The following SESN1 variants were observed in gnomAD, a reference collection of about 807,000 sequenced individuals.
The protein encoded by SESN1 is sestrin-1.
Under a neutral mutation model 59.3 loss-of-function variants are expected in SESN1, and 30 were observed. The observed-to-expected ratio is 0.51, with a 90% CI of 0.38 to 0.69. SESN1 has a LOEUF of 0.69. Ranked by LOEUF, SESN1 falls within the 30% of genes least tolerant of loss-of-function variation. The pLI, the probability that SESN1 is intolerant of heterozygous loss-of-function variation, is 0.00. For missense variants in SESN1, 566 were observed against 673.0 expected (o/e 0.84, Z 1.76); for synonymous variants, 197 against 219.9 (o/e 0.90, Z 0.92).
rs1222759680 is a variant in SESN1, at chr6:109,000,609, CCAA to C, written c.608_610del (p.Val203del). The stretch of plus-strand genomic sequence containing the variant: ...ACCATTGAGCCACTTGGGGTCCCCA[CCAA>C]CATGAAGGAAATCATTTACATGCAG... On this transcript the variant is annotated inframe_deletion, in exon 4 of 10. Transcript: ENST00000436639. 6.2e-7 allele frequency: 1 copy of C among 1,612,046 alleles called. No individual in the cohort carries two copies. The highest frequency in any genetic ancestry group is 1.1e-5 in the South Asian group (1 of 90,632).
In SESN1 at chr6:108,986,033, A is replaced by C. The variant is rs533917114; in HGVS notation, c.*1511T>G. Among the ~76,000 whole-genome samples, 369 of 152,280 alleles carry C rather than the reference A, an allele frequency of 2.4e-3. 1 individual carries two copies. The highest frequency in any genetic ancestry group is 8.5e-3 in the African/African-American group (352 of 41,552). On this transcript the variant is annotated 3_prime_UTR_variant, in exon 10 of 10. Coordinates refer to ENST00000436639, the MANE Select transcript of SESN1 (RefSeq NM_014454.3). ...CTACCCCATACATTTGTAGGCAGGC[A>C]CTAGATTGAGCTCAATAAATGTTTT...
intron 5 of SESN1, 89 bp from the exon 6 acceptor site, chr6:108,994,698 C>CAT: frequency 2.4e-5 from 7 of 292,740 alleles, no homozygotes; most frequent in Non-Finnish European, 3.9e-5. Flanking sequence ...GAATTTATAT[C>CAT]TTTTTTTTTT....
intron 1 of SESN1, among the ~76,000 whole-genome samples, chr6:109,011,793 T>C (rs553215861): frequency 1.3e-5 from 2 of 152,056 alleles, no homozygotes; most frequent in Non-Finnish European, 2.9e-5. Context: ...CACACCCGGC[T>C]ACTTTTTAAA....
In SESN1 at chr6:109,011,071, A is replaced by C. The variant is rs1242228307; in HGVS notation, c.280-8728T>G. On this transcript the variant is annotated intron_variant, in intron 1 of 9. Coordinates refer to ENST00000436639, the MANE Select transcript of SESN1 (RefSeq NM_014454.3). The stretch of plus-strand genomic sequence containing the variant: ...GTATGATTTTATTTCTGAAGGAATC[A>C]CAGTTTTAGTTGTCTAGTAGGGCAT... Among the ~76,000 whole-genome samples, 9 of 150,640 alleles carry C rather than the reference A, an allele frequency of 6.0e-5. No homozygotes were observed. In the South Asian group the frequency reaches 1.9e-3, roughly 31 times the overall value.
intron 1 of SESN1, among the ~76,000 whole-genome samples, chr6:109,010,034 T>C (rs955198753): frequency 6.6e-6 from 1 of 152,168 alleles, no homozygotes; most frequent in Non-Finnish European, 1.5e-5. Context: ...ATGCAGGACT[T>C]TGGCCTATAA....
intron 1 of SESN1, among the ~76,000 whole-genome samples, chr6:109,070,277 T>C (rs1478976581): frequency 1.3e-5 from 2 of 152,236 alleles, no homozygotes; most frequent in Non-Finnish European, 2.9e-5. Flanking sequence ...CTAGGGCATG[T>C]GCCCACCCAG....
chr6:108,988,447 G>C (rs968670702), intron 9 of SESN1, 96 bp downstream of exon 9: 2 of 1,081,400 alleles, frequency 1.8e-6, no homozygotes, highest in Non-Finnish European at 2.6e-6. Context: ...GGGTTGGTAG[G>C]GGTGATGGAA....
intron 1 of SESN1, among the ~76,000 whole-genome samples, chr6:109,073,011 TTTTG>T (rs146487988): frequency 0.079 from 12,035 of 152,232 alleles, 631 homozygotes; most frequent in Middle Eastern, 0.2. Context: ...TAAAGTGTTT[TTTTG>T]TTTGTTTTTT....
chr6:109,084,209 G>A (rs1562477131), intron 1 of SESN1, among the ~76,000 whole-genome samples: 1 of 152,050 alleles, frequency 6.6e-6, no homozygotes, highest in African/African-American at 2.4e-5. Context: ...GTTTATTTGG[G>A]TAATATAAAC....
At chr6:108,987,673 A>G (rs777460601) in intron 9 of SESN1, 43 bp from the exon 10 acceptor site, 1 of 1,069,498 alleles carries the variant, frequency 9.4e-7, no homozygotes, top group Non-Finnish European at 1.4e-6. Flanking sequence ...GGTTACAAGC[A>G]TTCACAATCA....
At chr6:108,995,289 G>C (rs1199099189) in intron 5 of SESN1, among the ~76,000 whole-genome samples, 1 of 152,200 alleles carries the variant, frequency 6.6e-6, no homozygotes, top group African/African-American at 2.4e-5. Flanking sequence ...CAAAGTATAA[G>C]TGATTTTGCA....
At chr6:109,071,052 G>A (rs1780925727) in intron 1 of SESN1, among the ~76,000 whole-genome samples, 1 of 152,218 alleles carries the variant, frequency 6.6e-6, no homozygotes, top group Non-Finnish European at 1.5e-5. Flanking sequence ...AGATGGGAGA[G>A]AGGGTGGGTA....
chr6:109,070,643 C>T (rs1270846377), intron 1 of SESN1, among the ~76,000 whole-genome samples: 1 of 152,210 alleles, frequency 6.6e-6, no homozygotes, highest in East Asian at 1.9e-4. Context: ...AAGACAACTA[C>T]TGTTTCTAAT....
In SESN1 at chr6:109,002,276, A is replaced by G; in HGVS notation, c.345+2T>C. On this transcript the variant is annotated splice_donor_variant, in intron 2 of 9. Coordinates refer to ENST00000436639, the MANE Select transcript of SESN1 (RefSeq NM_014454.3). LOFTEE classifies it high-confidence loss of function. ...CACTATGTACTTTCACAAACAACGT[A>G]CCTCCTTTTCTGGGATGAATCTGCT... is the stretch of plus-strand genomic sequence containing the variant. The G allele has an allele frequency of 6.2e-7, 1 of 1,612,700 alleles. No homozygotes were observed. The highest frequency in any genetic ancestry group is 1.3e-5 in the African/African-American group (1 of 74,972).
At chr6:109,077,311 A>C (rs1781047760) in intron 1 of SESN1, among the ~76,000 whole-genome samples, 1 of 152,196 alleles carries the variant, frequency 6.6e-6, no homozygotes, top group South Asian at 2.1e-4. Flanking sequence ...CTAGGAAAAT[A>C]GACTAGTGAT....
Position 108,984,848 on chromosome 6 carries a change from T to C in SESN1, c.*2696A>G, listed in dbSNP as rs113785928. On this transcript the variant is annotated 3_prime_UTR_variant, in exon 10 of 10. Transcript: ENST00000436639. ...GGTGAGCAAAATCCACAAACTTTCC[T>C]AGCCTTTTGGTGCGGCCTTTTCCTG... Among the ~76,000 whole-genome samples, 506 of 152,308 alleles carry C rather than the reference T, an allele frequency of 3.3e-3. No homozygotes were observed. Among genetic ancestry groups the C allele is most frequent in the African/African-American group, 9.8e-3 (408 of 41,572 alleles).
chr6:109,001,195 T>A (rs951967756), intron 3 of SESN1, 93 bp downstream of exon 3: 1 of 1,026,690 alleles, frequency 9.7e-7, no homozygotes, highest in South Asian at 1.6e-5. Flanking sequence ...TATCATAATC[T>A]AAGTATTTAT....
In SESN1 at chr6:109,093,850, C is replaced by G; in HGVS notation, c.224G>C (p.Arg75Thr). 1 of 1,614,202 alleles carries G rather than the reference C, an allele frequency of 6.2e-7. No individual in the cohort carries two copies. The highest frequency in any genetic ancestry group is 8.5e-7 in the Non-Finnish European group (1 of 1,180,042). The change falls in exon 1 of 10, where the codon AGG becomes ACG. Residue 75 changes from arginine (R) to threonine (T), a missense_variant. Arg to Thr is a moderately conservative substitution (Grantham distance 71). Coordinates refer to ENST00000436639, the MANE Select transcript of SESN1 (RefSeq NM_014454.3). Reference protein sequence around the residue: ...LLAHLLMLSKRCPFKDVREKS... With the variant: ...LLAHLLMLSKTCPFKDVREKS... ...CTCTCTCACATCTTTGAAGGGACACCTCTTAGAAAGCATAAGCAGATGAGC... is the reference window on the plus strand; with the variant it reads ...CTCTCTCACATCTTTGAAGGGACACGTCTTAGAAAGCATAAGCAGATGAGC...
intron 1 of SESN1, among the ~76,000 whole-genome samples, chr6:109,084,910 G>GTAGATTTATTTGAAAA (rs1781187308): frequency 6.6e-6 from 1 of 152,008 alleles, no homozygotes; most frequent in Non-Finnish European, 1.5e-5. Flanking sequence ...CAAACTGTGA[G>GTAGATTTATTTGAAAA]TCTACTCGTA....
Sources: allele counts gnomAD v4.1 joint callset (sites outside exome capture counted in the v4.1 genomes callset), GRCh38; gene constraint gnomAD v4.1.1; transcripts MANE v1.5; gene names NCBI Gene and HGNC (gene_info 2026-07-23, HGNC 2026-07-21).